Variants in CACNG4 observed in about 807,000 individuals in gnomAD.
CACNG4 encodes calcium voltage-gated channel auxiliary subunit gamma 4.
In CACNG4, 8 loss-of-function variants were observed where a neutral mutation model predicts 22.9. The observed-to-expected ratio is 0.35, with a 90% CI of 0.21 to 0.63. The LOEUF is 0.63. Among genes scored for constraint, CACNG4 ranks in the 30% least tolerant of loss-of-function variants. The pLI is 0.72. For missense variants in CACNG4, 357 were observed against 455.4 expected (o/e 0.78, Z 1.97); for synonymous variants, 188 against 191.9 (o/e 0.98, Z 0.17).
At chr17:67,001,842 G>A (rs1407784346) in intron 1 of CACNG4, among the ~76,000 whole-genome samples, 1 of 152,226 alleles carries the variant, frequency 6.6e-6, no homozygotes, top group Non-Finnish European at 1.5e-5. Context: ...AGCCACCAGT[G>A]GGCAGGACGC....
chr17:66,990,716 T>C (rs2035334860), intron 1 of CACNG4, among the ~76,000 whole-genome samples: 1 of 152,040 alleles, frequency 6.6e-6, no homozygotes, highest in African/African-American at 2.4e-5. Flanking sequence ...AGTCTCGCTC[T>C]ATCGCCCAGG....
intron 1 of CACNG4, among the ~76,000 whole-genome samples, chr17:66,976,843 T>C (rs36104009): frequency 0.43 from 65,880 of 152,014 alleles, 14,841 homozygotes; most frequent in Non-Finnish European, 0.5. Context: ...AGGAGCCTGC[T>C]GGTGGTAACC....
At chr17:66,990,006 T>C (rs1314006642) in intron 1 of CACNG4, among the ~76,000 whole-genome samples, 2 of 152,232 alleles carry the variant, frequency 1.3e-5, no homozygotes, top group Non-Finnish European at 2.9e-5. Context: ...TCTTAACAAA[T>C]TGACAAAACT....
rs73336965 is a variant in CACNG4 at position 66,979,281 on chromosome 17, T to A, written c.220+14150T>A. Among the ~76,000 whole-genome samples, 1,233 of 152,340 alleles carry A rather than the reference T, an allele frequency of 8.1e-3. 22 individuals are homozygous for A. The highest frequency in any genetic ancestry group is 0.028 in the African/African-American group (1,181 of 41,572). On this transcript the variant is annotated intron_variant, in intron 1 of 3. Transcript: ENST00000262138. ...TCCCCTTTTCCCTTTGAGTCTGCCA[T>A]CTTTGTAAACCACGCAAGCCCTCTC...
Position 67,021,191 on chromosome 17 carries a change from A to T in CACNG4, c.304+2919A>T, listed in dbSNP as rs1445659511. On this transcript the variant is annotated intron_variant, in intron 2 of 3. Coordinates refer to ENST00000262138, the MANE Select transcript of CACNG4 (RefSeq NM_014405.4). ...ACTCCAGCCTGCATGACAGAGCAAG[A>T]CCCCATCTTAAAAAAAAAAAAAAAG... Among the ~76,000 whole-genome samples the T allele has an allele frequency of 4.0e-5, 6 of 150,790 alleles. No individual in the cohort carries two copies. In the East Asian group the frequency reaches 7.8e-4, roughly 20 times the overall value.
chr17:67,009,786 T>C (rs1212006655), intron 1 of CACNG4, among the ~76,000 whole-genome samples: 7 of 151,932 alleles, frequency 4.6e-5, no homozygotes, highest in Admixed American at 4.6e-4. Context: ...CTCTCCAGAG[T>C]CTCTTTTAAA....
At chr17:67,023,766 G>A (rs974756215) in intron 2 of CACNG4, among the ~76,000 whole-genome samples, 6 of 150,060 alleles carry the variant, frequency 4.0e-5, no homozygotes, top group African/African-American at 1.2e-4. Flanking sequence ...TAGTAGATAC[G>A]GGGTTTCACC....
intron 1 of CACNG4, among the ~76,000 whole-genome samples, chr17:66,999,501 C>T (rs1319704752): frequency 6.6e-6 from 1 of 152,196 alleles, no homozygotes; most frequent in Non-Finnish European, 1.5e-5. Flanking sequence ...GAGGAGGCCT[C>T]AGGAAGCTTA....
chr17:67,029,944 G>A (rs1250572772), intron 3 of CACNG4, among the ~76,000 whole-genome samples: 1 of 152,244 alleles, frequency 6.6e-6, no homozygotes, highest in Non-Finnish European at 1.5e-5. Context: ...GGTGTCCAAG[G>A]CAACCTTGTC....
At chr17:66,992,248 A>G (rs2035345500) in intron 1 of CACNG4, among the ~76,000 whole-genome samples, 1 of 152,078 alleles carries the variant, frequency 6.6e-6, no homozygotes, top group Non-Finnish European at 1.5e-5. Context: ...TGTTTGCTAC[A>G]TGAATGAATA....
chr17:67,024,849 T>C lies in CACNG4; in HGVS notation c.305-11T>C, dbSNP rs761166308. 1 of 1,528,154 alleles carries C rather than the reference T, an allele frequency of 6.5e-7. No homozygotes were observed. Among genetic ancestry groups the C allele is most frequent in the Non-Finnish European group, 8.8e-7 (1 of 1,139,078 alleles). The allele number at this position is 1,528,154 out of a possible 1,614,324, so 94.7% of individuals were successfully genotyped here. On this transcript the variant is annotated splice_polypyrimidine_tract_variant and intron_variant, in intron 2 of 3. Transcript: ENST00000262138. ...TGCCCTCTGCTTTGTGCCCCCCACCTCCCCGGCCAGGCATCGTGCGAGCCT... is the reference window on the plus strand; with the variant it reads ...TGCCCTCTGCTTTGTGCCCCCCACCCCCCCGGCCAGGCATCGTGCGAGCCT...
chr17:66,997,228 C>T (rs1232460347), intron 1 of CACNG4, among the ~76,000 whole-genome samples: 1 of 152,088 alleles, frequency 6.6e-6, no homozygotes, highest in Non-Finnish European at 1.5e-5. Context: ...TAGGGCAGGG[C>T]AGTGTGGATG....
In CACNG4 at chr17:67,024,944, T is replaced by C; in HGVS notation, c.389T>C (p.Ile130Thr). 6.2e-7 allele frequency: 1 copy of C among 1,606,924 alleles called. No individual in the cohort carries two copies. Among genetic ancestry groups the C allele is most frequent in the African/African-American group, 1.3e-5 (1 of 74,816 alleles). ...GGCCTGTGCATCGGTGCTGGCAGGATCTACAGCCGCAAGAACAACATCGTC... is the reference window on the plus strand; with the variant it reads ...GGCCTGTGCATCGGTGCTGGCAGGACCTACAGCCGCAAGAACAACATCGTC... ...LGGLCIGAGR[I>T]YSRKNNIVLS... The change falls in exon 3 of 4, where the codon ATC (isoleucine) becomes ACC (threonine). Residue 130 changes from isoleucine (I) to threonine (T), a missense_variant. By Grantham distance (89) the Ile-to-Thr change is moderately conservative. Coordinates refer to ENST00000262138, the MANE Select transcript of CACNG4 (RefSeq NM_014405.4).
rs2035578102 is a variant in CACNG4 at position 67,027,989 on chromosome 17, C to T, written c.446-2477C>T. On this transcript the variant is annotated intron_variant, in intron 3 of 3. Transcript: ENST00000262138. This position sits in a 1 kb window ranked among gnomAD's most constrained non-coding sequence, Gnocchi z 4.3. ...GAGCTGAGATCACGCCACTGCACTC[C>T]AGCCTGGGCGACAGAGCAAGACTCT... Among the ~76,000 whole-genome samples the T allele has an allele frequency of 6.6e-6, 1 of 151,892 alleles. No homozygotes were observed. The highest frequency in any genetic ancestry group is 6.5e-5 in the Admixed American group (1 of 15,268).
intron 1 of CACNG4, among the ~76,000 whole-genome samples, chr17:66,983,576 C>G (rs973381498): frequency 4.6e-5 from 7 of 152,146 alleles, no homozygotes; most frequent in African/African-American, 1.7e-4. Context: ...CAGAACAACG[C>G]ACGATGCCAG....
At chr17:66,965,259 AG>A (rs2035162180) in intron 1 of CACNG4, 128 bp downstream of exon 1, 1 of 614,412 alleles carries the variant, frequency 1.6e-6, no homozygotes, top group South Asian at 2.3e-5. Context: ...GGCCGGGGAG[AG>A]GGTGGGCGCG....
At chr17:66,989,044 G>A (rs111426643) in intron 1 of CACNG4, among the ~76,000 whole-genome samples, 1,213 of 118,874 alleles carry the variant, frequency 0.01, 52 homozygotes, top group African/African-American at 0.041. Flanking sequence ...CTGGGCAACA[G>A]AGCAAGACTC....
At chr17:66,992,637 G>A (rs2035348168) in intron 1 of CACNG4, among the ~76,000 whole-genome samples, 1 of 152,234 alleles carries the variant, frequency 6.6e-6, no homozygotes. Context: ...CCAGAGCGTG[G>A]TTCAGAGCCC....
In CACNG4 at chr17:67,027,484, C is replaced by T. The variant is rs1373856004; in HGVS notation, c.445+2484C>T. Among the ~76,000 whole-genome samples the T allele has an allele frequency of 6.6e-6, 1 of 152,180 alleles. No individual in the cohort carries two copies. The highest frequency in any genetic ancestry group is 2.4e-5 in the African/African-American group (1 of 41,458). Reference sequence around the variant, plus strand: ...GCACTGAGTCATGTGTGGGGCCTGGCTTCAGGCCACCAGCCCTAGCAGGGA... The same window carrying T: ...GCACTGAGTCATGTGTGGGGCCTGGTTTCAGGCCACCAGCCCTAGCAGGGA... On this transcript the variant is annotated intron_variant, in intron 3 of 3. Coordinates refer to ENST00000262138, the MANE Select transcript of CACNG4 (RefSeq NM_014405.4). This position sits in a 1 kb window ranked among gnomAD's most constrained non-coding sequence, Gnocchi z 4.3.
Sources: gnomAD v4.1 joint callset for allele counts (sites outside exome capture counted in the v4.1 genomes callset) on GRCh38, gnomAD v4.1.1 for gene constraint, Gnocchi (gnomAD v3.1) non-coding constraint, MANE v1.5 for transcripts, NCBI Gene and HGNC (gene_info 2026-07-23, HGNC 2026-07-21) for gene names.